ATG7: variants seen among roughly 807,000 people sequenced by gnomAD.
The protein encoded by ATG7 is autophagy related 7.
In ATG7, 70 loss-of-function variants were observed where a neutral mutation model predicts 82.4. The ratio of observed to expected loss-of-function variants is 0.85; its 90% CI spans 0.70 to 1.04. The LOEUF (loss-of-function observed/expected upper bound fraction) is 1.04, where lower values mean the gene tolerates loss of function less well. Ranked by LOEUF, ATG7 falls within the 50% of genes least tolerant of loss-of-function variation. ATG7 has a pLI of 0.00. For synonymous variants in ATG7, 287 were observed against 313.0 expected, an observed-to-expected ratio of 0.92 and a Z score of 0.88; for missense variants, 792 against 864.3, an observed-to-expected ratio of 0.92 and a Z score of 1.05.
intron 3 of ATG7, among the ~76,000 whole-genome samples, chr3:11,285,081 A>C (rs747971067): frequency 4.3e-5 from 6 of 139,530 alleles, no homozygotes; most frequent in Non-Finnish European, 7.6e-5. Flanking sequence ...TGATCTCCTG[A>C]CCTCATGATT....
chr3:11,470,774 C>T (rs928195838), intron 20 of ATG7, among the ~76,000 whole-genome samples: 1 of 152,092 alleles, frequency 6.6e-6, no homozygotes, highest in Admixed American at 6.5e-5. Context: ...GGAACTGAGC[C>T]GAGCCAGGAG....
At chr3:11,523,599 A>AACCTGATTTACGGTGTTGCTCTGG (rs2092497860) in intron 20 of ATG7, among the ~76,000 whole-genome samples, 1 of 152,156 alleles carries the variant, frequency 6.6e-6, no homozygotes, top group Non-Finnish European at 1.5e-5. Context: ...GCTTCACGAA[A>AACCTGATTTACGGTGTTGCTCTGG]ACCTGATTTA....
In ATG7 at chr3:11,322,588, G is replaced by A. The variant is rs1037440754; in HGVS notation, c.678+7095G>A. ...AGATTGTACAGTATTTTGTTTTATT[G>A]TAGCATTTTAGCATAATAGTATTAT... On this transcript the variant is annotated intron_variant, in intron 9 of 20. Coordinates refer to ENST00000693202, the MANE Select transcript of ATG7 (RefSeq NM_001349232.2). Among the ~76,000 whole-genome samples, 4 of 151,734 alleles carry A rather than the reference G, an allele frequency of 2.6e-5. No homozygotes were observed. In the South Asian group the frequency reaches 6.2e-4, roughly 24 times the overall value.
intron 19 of ATG7, among the ~76,000 whole-genome samples, chr3:11,424,014 T>C (rs139446360): frequency 4.1e-4 from 63 of 152,334 alleles, no homozygotes; most frequent in African/African-American, 1.4e-3. Context: ...GTCACCACTC[T>C]TCTCAAGCCC....
At chr3:11,558,454 T>TCCC, downstream of ATG7, 2 of 1,064,152 alleles carry the variant, frequency 1.9e-6, no homozygotes, top group Non-Finnish European at 2.6e-6. Flanking sequence ...TCCCTTCCCT[T>TCCC]CCCCCCACCC....
rs562834458 is a variant in ATG7 at position 11,371,424 on chromosome 3, G to A, written c.1875+6690G>A. Among the ~76,000 whole-genome samples the A allele has an allele frequency of 9.3e-5, 14 of 151,062 alleles. No homozygotes were observed. The South Asian group carries it at 1.1e-3, about 11-fold the overall frequency. On this transcript the variant is annotated intron_variant, in intron 18 of 20. Transcript: ENST00000693202. ...TTGGAAATGCCTGGACCTTCAACCC[G>A]GGGCCCTGGGAGGCCGTTGAACGCT...
chr3:11,446,125 C>G (rs2084526973), intron 20 of ATG7, among the ~76,000 whole-genome samples: 2 of 151,196 alleles, frequency 1.3e-5, no homozygotes, highest in South Asian at 4.2e-4. Context: ...CCTCAGCATC[C>G]TCATTTGCTA....
At position 11,364,680 on chromosome 3, in the gene ATG7, C is replaced by T. The variant is rs757407642; in HGVS notation, c.1821C>T (p.Ser607=). ...HPEGGYAIAS[S]SDDRMNEPPT... is the part of the protein sequence containing the mutation. Reference sequence around the variant, plus strand: ...TCAGGGGCTATGCCATTGCCAGCAGCAGTGACGATCGGATGAATGAGCCTC... The same window carrying T: ...TCAGGGGCTATGCCATTGCCAGCAGTAGTGACGATCGGATGAATGAGCCTC... Residue 607 remains serine (S), a synonymous_variant, in exon 18 of 21, where the codon AGC becomes AGT. Coordinates refer to ENST00000693202, the MANE Select transcript of ATG7 (RefSeq NM_001349232.2). 6.2e-7 allele frequency: 1 copy of T among 1,614,174 alleles called. No individual in the cohort carries two copies. Among genetic ancestry groups the T allele is most frequent in the Non-Finnish European group, 8.5e-7 (1 of 1,180,014 alleles).
At chr3:11,333,227 C>T in intron 11 of ATG7, 134 bp downstream of exon 11, 2 of 1,174,218 alleles carry the variant, frequency 1.7e-6, no homozygotes. Flanking sequence ...TTTGCCAATG[C>T]AGACACCTAC....
chr3:11,440,073 C>T (rs1367123014), intron 20 of ATG7, among the ~76,000 whole-genome samples: 2 of 152,170 alleles, frequency 1.3e-5, no homozygotes, highest in Non-Finnish European at 2.9e-5. Flanking sequence ...CATATCTCTA[C>T]TTTCATATTG....
intron 20 of ATG7, among the ~76,000 whole-genome samples, chr3:11,439,459 A>T (rs971824875): frequency 6.6e-6 from 1 of 152,202 alleles, no homozygotes; most frequent in Non-Finnish European, 1.5e-5. Flanking sequence ...TGTGTTTTTT[A>T]AAATTAAATA....
chr3:11,382,642 C>T (rs1004955440), intron 19 of ATG7, among the ~76,000 whole-genome samples: 6 of 152,102 alleles, frequency 3.9e-5, no homozygotes, highest in African/African-American at 2.4e-5. Context: ...AAATTCCAAG[C>T]TAACTAGAGT....
chr3:11,515,833 A>G (rs995808186), intron 20 of ATG7, among the ~76,000 whole-genome samples: 6 of 152,164 alleles, frequency 3.9e-5, no homozygotes, highest in Non-Finnish European at 5.9e-5. Flanking sequence ...TTGCTGGGCT[A>G]AAGACAGTCT....
chr3:11,561,891 CTTTTTTTTTTT>C (rs35380668), downstream of ATG7, among the ~76,000 whole-genome samples: 2 of 88,590 alleles, frequency 2.3e-5, no homozygotes, highest in Non-Finnish European at 4.0e-5. Flanking sequence ...CTGCGCCAAA[CTTTTTTTTTTT>C]TTTTTTTTTT....
intron 13 of ATG7, among the ~76,000 whole-genome samples, chr3:11,343,673 G>A (rs1954033147): frequency 6.6e-6 from 1 of 152,068 alleles, no homozygotes; most frequent in Non-Finnish European, 1.5e-5. Context: ...TACATGATAA[G>A]GGGTAAAGAT....
At chr3:11,415,448 C>G (rs911924192) in intron 19 of ATG7, among the ~76,000 whole-genome samples, 3 of 152,126 alleles carry the variant, frequency 2.0e-5, no homozygotes, top group African/African-American at 7.2e-5. Context: ...TGATTAAAAA[C>G]TTTTTTTACT....
At chr3:11,319,379 T>C (rs1949897133) in intron 9 of ATG7, among the ~76,000 whole-genome samples, 1 of 143,798 alleles carries the variant, frequency 7.0e-6, no homozygotes, top group African/African-American at 2.5e-5. Flanking sequence ...TACTTGATTC[T>C]GCCCCCTCCT....
intron 12 of ATG7, among the ~76,000 whole-genome samples, chr3:11,341,427 G>A (rs550698107): frequency 2.6e-5 from 4 of 151,652 alleles, no homozygotes; most frequent in East Asian, 3.9e-4. Flanking sequence ...GTTTAAGGGC[G>A]AATCTCAGTG....
At chr3:11,314,623 T>C (rs1949137352) in intron 8 of ATG7, among the ~76,000 whole-genome samples, 1 of 152,116 alleles carries the variant, frequency 6.6e-6, no homozygotes. Flanking sequence ...GCACATTGCA[T>C]TATGTACTTT....
Sources: gnomAD v4.1 joint callset for allele counts (sites outside exome capture counted in the v4.1 genomes callset) on GRCh38, gnomAD v4.1.1 for gene constraint, MANE v1.5 for transcripts, NCBI Gene and HGNC (gene_info 2026-07-23, HGNC 2026-07-21) for gene names.